The following PACS1 variants were observed in gnomAD, a reference collection of about 807,000 sequenced individuals.
The protein encoded by PACS1 is PACS-1.
Under a neutral mutation model 115.0 loss-of-function variants are expected in PACS1, and 24 were observed. That is an observed-to-expected ratio of 0.21 (90% CI 0.15 to 0.29). The LOEUF (loss-of-function observed/expected upper bound fraction) is 0.29. Ranked by LOEUF, PACS1 falls within the 10% of genes least tolerant of loss-of-function variation. The pLI is 1.00. For synonymous variants in PACS1, 453 were observed against 504.5 expected (o/e 0.90, Z 1.37); for missense variants, 838 against 1,251.2 (o/e 0.67, Z 4.98).
intron 1 of PACS1, among the ~76,000 whole-genome samples, chr11:66,122,120 A>G (rs545045139): frequency 2.0e-5 from 3 of 152,340 alleles, no homozygotes; most frequent in East Asian, 3.9e-4. Flanking sequence ...GTTGAAGCCA[A>G]TGCTCATTGA....
At chr11:66,192,967 G>T (rs1451861358) in intron 1 of PACS1, among the ~76,000 whole-genome samples, 3 of 152,184 alleles carry the variant, frequency 2.0e-5, no homozygotes, top group Non-Finnish European at 4.4e-5. Flanking sequence ...TGTATGTTTT[G>T]TTTGTGTGGA....
At chr11:66,072,618 G>A (rs566051522) in intron 1 of PACS1, among the ~76,000 whole-genome samples, 15 of 152,250 alleles carry the variant, frequency 9.9e-5, no homozygotes, top group African/African-American at 3.6e-4. Context: ...AAGCTCAAGC[G>A]AGAGTTGAGT....
At chr11:66,077,466 TG>T (rs1165287977) in intron 1 of PACS1, among the ~76,000 whole-genome samples, 5 of 151,990 alleles carry the variant, frequency 3.3e-5, no homozygotes, top group Non-Finnish European at 5.9e-5. Context: ...GAGGCTGAGG[TG>T]GGAAGAGCAC....
chr11:66,104,936 T>C (rs140228634), intron 1 of PACS1, among the ~76,000 whole-genome samples: 1 of 152,340 alleles, frequency 6.6e-6, no homozygotes, highest in Non-Finnish European at 1.5e-5. Context: ...AGTAAGTAAT[T>C]GTTGAATAAG....
At chr11:66,199,183 C>T (rs1486013760) in intron 2 of PACS1, among the ~76,000 whole-genome samples, 4 of 152,048 alleles carry the variant, frequency 2.6e-5, no homozygotes, top group East Asian at 1.9e-4. Flanking sequence ...AGCGTGGTGG[C>T]GGGCACCTGT....
At chr11:66,152,548 A>G (rs1470583266) in intron 1 of PACS1, among the ~76,000 whole-genome samples, 3 of 152,242 alleles carry the variant, frequency 2.0e-5, no homozygotes, top group Non-Finnish European at 4.4e-5. Context: ...CACAAAGGAA[A>G]AGCACTCATA....
intron 16 of PACS1, 76 bp from the exon 17 acceptor site, chr11:66,234,056 C>A: frequency 6.5e-7 from 1 of 1,531,802 alleles, no homozygotes; most frequent in Non-Finnish European, 9.0e-7. Flanking sequence ...GAGACCAAGG[C>A]CGTGGCCAGG....
intron 1 of PACS1, among the ~76,000 whole-genome samples, chr11:66,082,501 TA>T (rs1262210450): frequency 1.3e-5 from 2 of 150,570 alleles, no homozygotes; most frequent in South Asian, 2.1e-4. Flanking sequence ...CTGGCCACCT[TA>T]AAAAAAAACA....
chr11:66,084,581 G>A (rs1419748196), intron 1 of PACS1, among the ~76,000 whole-genome samples: 5 of 152,242 alleles, frequency 3.3e-5, no homozygotes, highest in African/African-American at 1.2e-4. Flanking sequence ...GACTAGGGTG[G>A]TGGAGGTGGA....
intron 1 of PACS1, among the ~76,000 whole-genome samples, chr11:66,177,857 G>C (rs1859907705): frequency 6.6e-6 from 1 of 152,088 alleles, no homozygotes; most frequent in African/African-American, 2.4e-5. Flanking sequence ...TGGGAACTTT[G>C]CGTATTTTGT....
At chr11:66,141,176 A>G (rs769910170) in intron 1 of PACS1, among the ~76,000 whole-genome samples, 1 of 152,126 alleles carries the variant, frequency 6.6e-6, no homozygotes, top group Non-Finnish European at 1.5e-5. Flanking sequence ...AACTTTTTGT[A>G]TGTTTAATGA....
At chr11:66,171,422 A>G (rs1001647149) in intron 1 of PACS1, among the ~76,000 whole-genome samples, 2 of 150,044 alleles carry the variant, frequency 1.3e-5, no homozygotes, top group Non-Finnish European at 2.9e-5. Context: ...TACTGTGGCT[A>G]TTGATATCCA....
rs1259634354 is a variant in PACS1, at chr11:66,070,879, C to T, written c.356+37C>T. ...AGGGTGCGGCGGGGCGCCGGGGGAG[C>T]GGGGTGGCCGCCGGGGCCCAGCCCT... On this transcript the variant is annotated intron_variant, in intron 1 of 23. Transcript: ENST00000320580. This position sits in a 1 kb window ranked among gnomAD's most constrained non-coding sequence, Gnocchi z 5.9. The T allele has an allele frequency of 7.1e-7, 1 of 1,403,464 alleles. No individual in the cohort carries two copies. The highest frequency in any genetic ancestry group is 9.2e-7 in the Non-Finnish European group (1 of 1,089,066). The allele number at this position is 1,403,464 out of a possible 1,614,324, so 86.9% of individuals were successfully genotyped here. A position where few individuals can be genotyped will look rare whatever the true frequency, so the allele number is the denominator to read the frequency against.
At chr11:66,151,062 G>C (rs1859224325) in intron 1 of PACS1, among the ~76,000 whole-genome samples, 1 of 152,098 alleles carries the variant, frequency 6.6e-6, no homozygotes, top group South Asian at 2.1e-4. Context: ...ACTACAGAAA[G>C]GGGGAGGCCC....
chr11:66,186,704 G>A (rs1256144720), intron 1 of PACS1, among the ~76,000 whole-genome samples: 1 of 152,308 alleles, frequency 6.6e-6, no homozygotes, highest in Non-Finnish European at 1.5e-5. Flanking sequence ...ACAGAGTAAC[G>A]TGACAGAGCT....
chr11:66,072,575 A>G (rs1054272536), intron 1 of PACS1, among the ~76,000 whole-genome samples: 1 of 151,836 alleles, frequency 6.6e-6, no homozygotes, highest in Admixed American at 6.6e-5. Context: ...ACATTAATTT[A>G]GTTTGCTGTG....
chr11:66,105,688 C>T (rs1019563316), intron 1 of PACS1, among the ~76,000 whole-genome samples: 1 of 152,152 alleles, frequency 6.6e-6, no homozygotes, highest in African/African-American at 2.4e-5. Flanking sequence ...CTTCCCTGCA[C>T]TATGTACAGA....
At chr11:66,207,171 C>T (rs185057061) in intron 2 of PACS1, among the ~76,000 whole-genome samples, 1 of 152,226 alleles carries the variant, frequency 6.6e-6, no homozygotes, top group East Asian at 1.9e-4. Flanking sequence ...ACCTCGATAC[C>T]ATTATCACAC....
intron 8 of PACS1, 90 bp downstream of exon 8, chr11:66,219,895 G>A (rs1855301941): frequency 1.1e-6 from 1 of 936,744 alleles, no homozygotes; most frequent in Non-Finnish European, 1.8e-6. Flanking sequence ...TTGCCACTGA[G>A]AGTCAGGATT....
Sources: allele counts gnomAD v4.1 joint callset (sites outside exome capture counted in the v4.1 genomes callset), GRCh38; gene constraint gnomAD v4.1.1; non-coding constraint Gnocchi (gnomAD v3.1); transcripts MANE v1.5; gene names NCBI Gene and HGNC (gene_info 2026-07-23, HGNC 2026-07-21).